Variants in ANKRD13C observed in about 807,000 individuals in gnomAD.
ANKRD13C encodes ankyrin repeat domain-containing protein 13C.
ANKRD13C carries 16 observed loss-of-function variants against 65.5 expected under a neutral mutation model. The ratio of observed to expected loss-of-function variants is 0.24; its 90% CI spans 0.17 to 0.37. The LOEUF (loss-of-function observed/expected upper bound fraction) is 0.37, where lower values mean the gene tolerates loss of function less well. ANKRD13C is among the 10% of genes least tolerant of loss of function. The pLI is 1.00. For synonymous variants in ANKRD13C, 235 were observed against 238.7 expected (o/e 0.98, Z 0.14); for missense variants, 503 against 655.9 (o/e 0.77, Z 2.55).
At chr1:70,276,733 C>G in intron 10 of ANKRD13C, 32 bp downstream of exon 10, 2 of 1,502,182 alleles carry the variant, frequency 1.3e-6, no homozygotes, top group Non-Finnish European at 1.8e-6. Flanking sequence ...TTTCTAAAAA[C>G]CAAATAACAC....
chr1:70,353,542 C>G (rs1682845763), intron 1 of ANKRD13C, among the ~76,000 whole-genome samples: 1 of 152,094 alleles, frequency 6.6e-6, no homozygotes, highest in Non-Finnish European at 1.5e-5. Flanking sequence ...CAGTTGCAGT[C>G]AAGATGGGAT....
Position 70,313,870 on chromosome 1 carries a change from A to C in ANKRD13C, c.664-80T>G. On this transcript the variant is annotated intron_variant, in intron 4 of 12. Coordinates refer to ENST00000370944, the MANE Select transcript of ANKRD13C (RefSeq NM_030816.5). ...GCTTTAAAAATATGGCTATTCCTTA[A>C]AACATTATAATACATGCATTACTAT... 3.0e-6 allele frequency: 3 copies of C among 1,006,342 alleles called. No homozygotes were observed. In the Admixed American group the frequency reaches 5.3e-5, roughly 18 times the overall value. 62.3% of individuals were successfully genotyped at this position (1,006,342 alleles called of 1,614,324 possible).
At chr1:70,316,215 C>A (rs1681066720) in intron 3 of ANKRD13C, among the ~76,000 whole-genome samples, 1 of 152,174 alleles carries the variant, frequency 6.6e-6, no homozygotes, top group East Asian at 1.9e-4. Context: ...GGAAAAAGAA[C>A]TTCTGAATCT....
At chr1:70,330,499 A>G (rs1465607408) in intron 2 of ANKRD13C, among the ~76,000 whole-genome samples, 2 of 147,944 alleles carry the variant, frequency 1.4e-5, no homozygotes, top group African/African-American at 2.5e-5. Flanking sequence ...TGGAGGTTGC[A>G]GTGAGCAGAG....
At chr1:70,292,179 G>A (rs1201247817) in intron 9 of ANKRD13C, 1 of 377,932 alleles carries the variant, frequency 2.6e-6, no homozygotes, top group Non-Finnish European at 4.6e-6. Flanking sequence ...AAGACTCAAA[G>A]ATAAAGTACA....
intron 1 of ANKRD13C, among the ~76,000 whole-genome samples, chr1:70,344,475 T>A (rs1056018067): frequency 1.3e-5 from 2 of 148,580 alleles, no homozygotes; most frequent in African/African-American, 2.5e-5. Context: ...AAAAAAAAAA[T>A]GAATAAATGC....
intron 1 of ANKRD13C, among the ~76,000 whole-genome samples, chr1:70,345,900 T>C (rs112212737): frequency 0.011 from 1,626 of 152,340 alleles, 28 homozygotes; most frequent in African/African-American, 0.037. Flanking sequence ...AAACTGTTCT[T>C]TAAAGTAAAA....
At chr1:70,275,168 T>C (rs1032440629) in intron 10 of ANKRD13C, among the ~76,000 whole-genome samples, 9 of 152,244 alleles carry the variant, frequency 5.9e-5, no homozygotes, top group Admixed American at 3.3e-4. Context: ...TTCAATCTTC[T>C]TTACTGTCTA....
At chr1:70,272,393 T>C (rs1255856511) in intron 11 of ANKRD13C, among the ~76,000 whole-genome samples, 1 of 151,958 alleles carries the variant, frequency 6.6e-6, no homozygotes, top group Non-Finnish European at 1.5e-5. Context: ...GCCAATTTTG[T>C]ATTTTTAATA....
intron 3 of ANKRD13C, among the ~76,000 whole-genome samples, chr1:70,317,478 G>A (rs1681120629): frequency 6.6e-6 from 1 of 151,946 alleles, no homozygotes; most frequent in Non-Finnish European, 1.5e-5. Flanking sequence ...AAAATAAAAT[G>A]TGGATCACAA....
At chr1:70,277,190 G>C (rs1174503971) in intron 9 of ANKRD13C, among the ~76,000 whole-genome samples, 1 of 152,216 alleles carries the variant, frequency 6.6e-6, no homozygotes, top group African/African-American at 2.4e-5. Flanking sequence ...AGGCATAGTG[G>C]CTCATGCCGG....
intron 1 of ANKRD13C, among the ~76,000 whole-genome samples, chr1:70,338,679 C>T (rs941963907): frequency 2.0e-5 from 3 of 152,126 alleles, no homozygotes; most frequent in Non-Finnish European, 2.9e-5. Flanking sequence ...GGATTACAGG[C>T]ATGAGCCACC....
chr1:70,288,760 A>T (rs767951380), intron 9 of ANKRD13C, among the ~76,000 whole-genome samples: 1 of 152,200 alleles, frequency 6.6e-6, no homozygotes, highest in Non-Finnish European at 1.5e-5. Flanking sequence ...GGGGCAGCAA[A>T]TGTGCCTATA....
chr1:70,283,482 G>A (rs1419384184), intron 9 of ANKRD13C, among the ~76,000 whole-genome samples: 5 of 151,868 alleles, frequency 3.3e-5, no homozygotes, highest in African/African-American at 4.8e-5. Context: ...AGATATTCAT[G>A]TATTTTATTA....
chr1:70,281,655 T>G (rs898198430), intron 9 of ANKRD13C, among the ~76,000 whole-genome samples: 1 of 151,672 alleles, frequency 6.6e-6, no homozygotes, highest in African/African-American at 2.4e-5. Flanking sequence ...TCCTCCCACC[T>G]TGGCCTCCCA....
chr1:70,352,111 G>T (rs933601196), intron 1 of ANKRD13C, among the ~76,000 whole-genome samples: 3 of 151,924 alleles, frequency 2.0e-5, no homozygotes, highest in African/African-American at 7.3e-5. Flanking sequence ...AGGCCGAGGC[G>T]GGCAGATCAC....
At chr1:70,273,377 G>A (rs114120628) in intron 11 of ANKRD13C, among the ~76,000 whole-genome samples, 2,239 of 152,242 alleles carry the variant, frequency 0.015, 62 homozygotes, top group African/African-American at 0.051. Flanking sequence ...CTTTAGTGAG[G>A]AGCCTAAAAC....
chr1:70,279,741 G>C lies in ANKRD13C; in HGVS notation c.1216-2897C>G, dbSNP rs566292471. ...TGGTCTCAAACTCCTGGCCTCAAGT[G>C]ATCTGCCCAACTCAGCCTCCCAAAG... On this transcript the variant is annotated intron_variant, in intron 9 of 12. Transcript: ENST00000370944. Among the ~76,000 whole-genome samples the C allele has an allele frequency of 2.6e-5, 4 of 152,190 alleles. No homozygotes were observed. In the South Asian group the frequency reaches 8.3e-4, roughly 32 times the overall value.
intron 2 of ANKRD13C, among the ~76,000 whole-genome samples, chr1:70,328,198 T>C (rs1681632079): frequency 6.6e-6 from 1 of 152,114 alleles, no homozygotes; most frequent in African/African-American, 2.4e-5. Flanking sequence ...TGGGGGTATA[T>C]TTAAATTTTT....
Sources: gnomAD v4.1 joint callset for allele counts (sites outside exome capture counted in the v4.1 genomes callset) on GRCh38, gnomAD v4.1.1 for gene constraint, MANE v1.5 for transcripts, NCBI Gene and HGNC (gene_info 2026-07-23, HGNC 2026-07-21) for gene names.